KIF1B: variants seen among roughly 807,000 people sequenced by gnomAD.
KIF1B encodes the protein kinesin-like protein KIF1B.
Under a neutral mutation model 241.9 loss-of-function variants are expected in KIF1B, and 76 were observed. The ratio of observed to expected loss-of-function variants is 0.31; its 90% CI spans 0.26 to 0.38. KIF1B has a LOEUF of 0.38. KIF1B is among the 10% of genes least tolerant of loss of function. KIF1B has a pLI of 1.00. For missense variants in KIF1B, 1,622 were observed against 2,271.4 expected, an observed-to-expected ratio of 0.71 and a Z score of 5.81; for synonymous variants, 750 against 796.7, an observed-to-expected ratio of 0.94 and a Z score of 0.99.
At chr1:10,254,998 GAGTGCAGTGCATTAATATCAGCTC>G (rs1647694951) in intron 2 of KIF1B, among the ~76,000 whole-genome samples, 1 of 151,706 alleles carries the variant, frequency 6.6e-6, no homozygotes, top group South Asian at 2.1e-4. Flanking sequence ...ACCCAGGCTG[GAGTGCAGTGCATTAATATCAGCTC>G]AGTGCAACCT....
intron 3 of KIF1B, among the ~76,000 whole-genome samples, chr1:10,256,890 T>G (rs1647820585): frequency 6.6e-6 from 1 of 151,956 alleles, no homozygotes; most frequent in African/African-American, 2.4e-5. Context: ...TTTTGTATTT[T>G]TAGTAGAGAC....
chr1:10,309,875 C>T (rs1650993614), intron 22 of KIF1B, among the ~76,000 whole-genome samples: 1 of 151,478 alleles, frequency 6.6e-6, no homozygotes, highest in Admixed American at 6.6e-5. Flanking sequence ...CTGTCACTCT[C>T]ACACCACAGA....
intron 22 of KIF1B, chr1:10,304,546 A>C: frequency 1.9e-6 from 3 of 1,614,116 alleles, no homozygotes; most frequent in Non-Finnish European, 2.5e-6. Flanking sequence ...TCAGAAGCAG[A>C]CTGACAAACC....
At chr1:10,324,469 AG>A (rs1392613040) in intron 25 of KIF1B, among the ~76,000 whole-genome samples, 2 of 152,154 alleles carry the variant, frequency 1.3e-5, no homozygotes, top group Non-Finnish European at 1.5e-5. Context: ...AGTGTATTTG[AG>A]ATGTCACATA....
At chr1:10,298,616 G>A (rs1650383221) in intron 22 of KIF1B, among the ~76,000 whole-genome samples, 1 of 152,118 alleles carries the variant, frequency 6.6e-6, no homozygotes, top group Non-Finnish European at 1.5e-5. Flanking sequence ...TGTGACACAA[G>A]AAGATGTCTT....
At chr1:10,327,730 A>G (rs4475756) in intron 27 of KIF1B, among the ~76,000 whole-genome samples, 54,281 of 151,940 alleles carry the variant, frequency 0.36, 9,838 homozygotes, top group Admixed American at 0.39. Flanking sequence ...GCATGCATTG[A>G]ATTAACCAAA....
Position 10,365,129 on chromosome 1 carries a change from G to A in KIF1B, c.4396G>A (p.Asp1466Asn). 6.2e-7 allele frequency: 1 copy of A among 1,613,910 alleles called. No individual in the cohort carries two copies. Among genetic ancestry groups the A allele is most frequent in the Non-Finnish European group, 8.5e-7 (1 of 1,179,972 alleles). Residue 1466 changes from aspartate (D) to asparagine (N), a missense_variant, in exon 42 of 49, where the codon GAT (aspartate) becomes AAT (asparagine). Around this residue, in one of 7 missense-constraint regions of KIF1B, gnomAD observed 803 missense variants for 1,112.0 expected, o/e 0.72. Coordinates refer to ENST00000676179, the MANE Select transcript of KIF1B (RefSeq NM_001365951.3). The surrounding 1 kb of genome is among the most constrained non-coding windows in gnomAD (Gnocchi z 4.0). ...GMQRRRRKILDTSVAYVRGEE... is the reference protein window; with the variant it reads ...GMQRRRRKILNTSVAYVRGEE... ...GCAGAGAAGGAGAAGAAAAATCTTA[G>A]ATACGTCAGTGGCATATGTGCGGGG...
At position 10,303,342 on chromosome 1, in the gene KIF1B, A is replaced by G. The variant is rs140713521; in HGVS notation, c.2115+6096A>G. On this transcript the variant is annotated intron_variant, in intron 22 of 48. Transcript: ENST00000676179. The surrounding 1 kb of genome is among the most constrained non-coding windows in gnomAD (Gnocchi z 5.2). ...CAATTAAAATGTATCAGATACCCCAAAGAAGGCGCTTGAGTAAAGATTCCA... is the reference window on the plus strand; with the variant it reads ...CAATTAAAATGTATCAGATACCCCAGAGAAGGCGCTTGAGTAAAGATTCCA... 2 of 1,614,186 alleles carry G rather than the reference A, an allele frequency of 1.2e-6. No individual in the cohort carries two copies. The highest frequency in any genetic ancestry group is 1.1e-5 in the South Asian group (1 of 91,084).
At chr1:10,223,137 A>C (rs1646866426) in intron 1 of KIF1B, among the ~76,000 whole-genome samples, 1 of 152,090 alleles carries the variant, frequency 6.6e-6, no homozygotes, top group South Asian at 2.1e-4. Context: ...CTGTAGTCCC[A>C]GCTACTCGGG....
chr1:10,316,911 G>GT (rs956689500), intron 22 of KIF1B, among the ~76,000 whole-genome samples: 46 of 150,840 alleles, frequency 3.0e-4, no homozygotes, highest in Middle Eastern at 3.4e-3. Flanking sequence ...CCTTTTTTTT[G>GT]TTTTTTTGTT....
chr1:10,254,615 G>A (rs991798366), intron 2 of KIF1B, among the ~76,000 whole-genome samples: 11 of 152,028 alleles, frequency 7.2e-5, no homozygotes, highest in Admixed American at 5.9e-4. Context: ...GGTGGCTCAC[G>A]CTTGTAATCC....
rs145846362 is a variant in KIF1B at position 10,324,824 on chromosome 1, C to T, written c.2604C>T (p.Asp868=). ...GGGAGATGGCCTCCAGTGCCCAAGA[C>T]GAAAGCGAAACCACTGTGACTGGCA... ...RAGEMASSAQ[D]ESETTVTGSD... is the part of the protein sequence containing the mutation. The change falls in exon 26 of 49, where the codon GAC becomes GAT. Residue 868 remains aspartate (D), a synonymous_variant. Coordinates refer to ENST00000676179, the MANE Select transcript of KIF1B (RefSeq NM_001365951.3). The T allele has an allele frequency of 6.2e-4, 1,000 of 1,614,126 alleles. 2 individuals are homozygous for T. Among genetic ancestry groups the T allele is most frequent in the Non-Finnish European group, 7.7e-4 (909 of 1,180,030 alleles).
intron 22 of KIF1B, chr1:10,305,006 G>A: frequency 3.6e-6 from 4 of 1,120,182 alleles, no homozygotes; most frequent in South Asian, 3.1e-5. Context: ...AGAAAGACCT[G>A]CCTCTTAGTT....
intron 1 of KIF1B, among the ~76,000 whole-genome samples, chr1:10,222,847 A>G (rs1274210296): frequency 6.6e-6 from 1 of 152,214 alleles, no homozygotes; most frequent in Non-Finnish European, 1.5e-5. Context: ...TGTGTAAGTG[A>G]TTTAGAGTAT....
chr1:10,315,274 T>C (rs1027501742), intron 22 of KIF1B, among the ~76,000 whole-genome samples: 1 of 148,142 alleles, frequency 6.8e-6, no homozygotes, highest in Non-Finnish European at 1.5e-5. Flanking sequence ...ACCTCCCGGG[T>C]TGAAGTGATT....
intron 15 of KIF1B, among the ~76,000 whole-genome samples, chr1:10,287,695 G>C (rs958377918): frequency 2.0e-5 from 3 of 152,178 alleles, no homozygotes; most frequent in Non-Finnish European, 2.9e-5. Flanking sequence ...AATTAGATAA[G>C]TCATATTAGA....
Position 10,372,680 on chromosome 1 carries a change from C to T in KIF1B, c.4946+1418C>T, listed in dbSNP as rs1436655703. On this transcript the variant is annotated intron_variant, in intron 45 of 48. Transcript: ENST00000676179. Reference sequence around the variant, plus strand: ...GTGACAGAGCTGTCACCCAAGCTGGCGCGCAGCGGCGCAATCTCGGCTCAC... The same window carrying T: ...GTGACAGAGCTGTCACCCAAGCTGGTGCGCAGCGGCGCAATCTCGGCTCAC... 1.4e-4 allele frequency among the ~76,000 whole-genome samples: 18 copies of T among 126,048 alleles called. 2 individuals carry two copies. Among genetic ancestry groups the T allele is most frequent in the East Asian group, 3.0e-4 (1 of 3,360 alleles). 82.7% of individuals were successfully genotyped at this position (126,048 alleles called of 152,430 possible). A position where few individuals can be genotyped will look rare whatever the true frequency, so the allele number is the denominator to read the frequency against.
intron 15 of KIF1B, among the ~76,000 whole-genome samples, chr1:10,287,792 T>C (rs1649788495): frequency 6.6e-6 from 1 of 152,226 alleles, no homozygotes; most frequent in African/African-American, 2.4e-5. Context: ...ATAGGATGGC[T>C]TTAATATGAC....
At position 10,308,276 on chromosome 1, in the gene KIF1B, C is replaced by A. The variant is rs1650923728; in HGVS notation, c.2115+11030C>A. On this transcript the variant is annotated intron_variant, in intron 22 of 48. Transcript: ENST00000676179. ...AGCATTTGTCCTGTACTGTTAGAGC[C>A]AAAATTGTGATGAGCAATACTGATA... is the stretch of plus-strand genomic sequence containing the variant. 27 of 1,059,892 alleles carry A rather than the reference C, an allele frequency of 2.5e-5. No homozygotes were observed. The South Asian group carries it at 1.1e-3, about 45-fold the overall frequency. The allele number at this position is 1,059,892 out of a possible 1,614,324, so 65.7% of individuals were successfully genotyped here. A position where few individuals can be genotyped will look rare whatever the true frequency, so the allele number is the denominator to read the frequency against.
Sources: gnomAD v4.1 joint callset for allele counts (sites outside exome capture counted in the v4.1 genomes callset) on GRCh38, gnomAD v4.1.1 for gene constraint, gnomAD v4.1.1 regional missense constraint, Gnocchi (gnomAD v3.1) non-coding constraint, MANE v1.5 for transcripts, NCBI Gene and HGNC (gene_info 2026-07-23, HGNC 2026-07-21) for gene names.